The following MACROD2 variants were observed in gnomAD, a reference collection of about 807,000 sequenced individuals.
MACROD2 encodes ADP-ribose glycohydrolase MACROD2.
In MACROD2, 36 loss-of-function variants were observed where a neutral mutation model predicts 70.4. The observed-to-expected ratio is 0.51, with a 90% CI of 0.39 to 0.68. The LOEUF is 0.68. Ranked by LOEUF, MACROD2 falls within the 30% of genes least tolerant of loss-of-function variation. The pLI is 0.00. For missense variants in MACROD2, 496 were observed against 538.4 expected, an observed-to-expected ratio of 0.92 and a Z score of 0.78; for synonymous variants, 172 against 178.8, an observed-to-expected ratio of 0.96 and a Z score of 0.30.
rs181138843 is a variant in MACROD2, at chr20:16,027,545, T to C, written c.1154-13656T>C. On this transcript the variant is annotated intron_variant, in intron 15 of 17. Coordinates refer to ENST00000684519, the MANE Select transcript of MACROD2 (RefSeq NM_001351661.2). ...GCTTCTTCTGTGGGCCTTAAGTGTATGATGAAGTTTCAAAGAATTCAGCCT... is the reference window on the plus strand; with the variant it reads ...GCTTCTTCTGTGGGCCTTAAGTGTACGATGAAGTTTCAAAGAATTCAGCCT... Among the ~76,000 whole-genome samples the C allele has an allele frequency of 2.0e-5, 3 of 152,326 alleles. No individual in the cohort carries two copies. In the East Asian group the frequency reaches 5.8e-4, roughly 29 times the overall value.
At chr20:15,477,218 A>G (rs1407739727) in intron 7 of MACROD2, among the ~76,000 whole-genome samples, 2 of 149,288 alleles carry the variant, frequency 1.3e-5, no homozygotes, top group East Asian at 4.0e-4. Context: ...CTCCTGCCTC[A>G]GCCTCCCAAG....
intron 5 of MACROD2, among the ~76,000 whole-genome samples, chr20:14,948,204 C>G (rs1389321584): frequency 6.6e-6 from 1 of 152,132 alleles, no homozygotes; most frequent in African/African-American, 2.4e-5. Flanking sequence ...AATCCTCTTC[C>G]CTGGATTTTG....
At chr20:14,855,597 G>GTTTTTTTTTTTT (rs71190156) in intron 5 of MACROD2, among the ~76,000 whole-genome samples, 1 of 77,242 alleles carries the variant, frequency 1.3e-5, no homozygotes, top group Non-Finnish European at 2.3e-5. Context: ...ATCCTACCAA[G>GTTTTTTTTTTTT]TTTTTTTTTT....
intron 5 of MACROD2, among the ~76,000 whole-genome samples, chr20:14,985,022 CT>C (rs1422554026): frequency 6.6e-6 from 1 of 152,180 alleles, no homozygotes; most frequent in East Asian, 1.9e-4. Flanking sequence ...ACCTTACGTA[CT>C]TCACACGGCC....
At chr20:14,316,362 G>A (rs1203255666) in intron 3 of MACROD2, among the ~76,000 whole-genome samples, 1 of 152,166 alleles carries the variant, frequency 6.6e-6, no homozygotes, top group Non-Finnish European at 1.5e-5. Context: ...TCCTGAAAAT[G>A]CTTTCTAGTT....
At chr20:15,477,541 G>C (rs1350230553) in intron 7 of MACROD2, among the ~76,000 whole-genome samples, 4 of 152,042 alleles carry the variant, frequency 2.6e-5, no homozygotes, top group African/African-American at 9.7e-5. Flanking sequence ...ACATCTGAGA[G>C]GCAATCCCTC....
chr20:16,016,878 C>A (rs1357197396), intron 15 of MACROD2, among the ~76,000 whole-genome samples: 1 of 152,150 alleles, frequency 6.6e-6, no homozygotes, highest in Non-Finnish European at 1.5e-5. Context: ...TTTGACTATT[C>A]CCTTTATCCC....
At chr20:15,008,139 T>C (rs1024067008) in intron 5 of MACROD2, among the ~76,000 whole-genome samples, 5 of 152,196 alleles carry the variant, frequency 3.3e-5, no homozygotes, top group African/African-American at 1.2e-4. Context: ...ACTTTTGATA[T>C]GTAGCCTATT....
At chr20:15,900,599 T>C (rs547763511) in intron 10 of MACROD2, among the ~76,000 whole-genome samples, 5 of 152,200 alleles carry the variant, frequency 3.3e-5, no homozygotes, top group East Asian at 1.9e-4. Context: ...GCATTTTCCA[T>C]TGTGAGAAGG....
intron 3 of MACROD2, among the ~76,000 whole-genome samples, chr20:14,396,891 C>T (rs1407137088): frequency 3.7e-5 from 5 of 134,842 alleles, no homozygotes; most frequent in African/African-American, 1.4e-4. Context: ...CACCACTGCA[C>T]TCCAGCCTGG....
At position 15,404,427 on chromosome 20, in the gene MACROD2, T is replaced by G. The variant is rs530889158; in HGVS notation, c.541-26978T>G. ...TAGTAAACCAACCAATGTTAAATGT[T>G]TAAGAAACTGTACCAGGGAAGAGGA... On this transcript the variant is annotated intron_variant, in intron 6 of 17. Coordinates refer to ENST00000684519, the MANE Select transcript of MACROD2 (RefSeq NM_001351661.2). 2.6e-5 allele frequency among the ~76,000 whole-genome samples: 4 copies of G among 152,326 alleles called. No individual in the cohort carries two copies. The South Asian group carries it at 8.3e-4, about 32-fold the overall frequency.
At chr20:15,789,603 A>G (rs2063606728) in intron 8 of MACROD2, among the ~76,000 whole-genome samples, 1 of 151,796 alleles carries the variant, frequency 6.6e-6, no homozygotes, top group Non-Finnish European at 1.5e-5. Context: ...GGAAATAGAA[A>G]AGCTTAAAAA....
At chr20:15,326,079 C>A (rs2077925762) in intron 6 of MACROD2, among the ~76,000 whole-genome samples, 1 of 152,140 alleles carries the variant, frequency 6.6e-6, no homozygotes, top group Non-Finnish European at 1.5e-5. Context: ...ATGAGGTAGG[C>A]AATCAGGACT....
chr20:15,711,282 G>C (rs2050622659), intron 8 of MACROD2, among the ~76,000 whole-genome samples: 1 of 152,170 alleles, frequency 6.6e-6, no homozygotes, highest in South Asian at 2.1e-4. Context: ...TACAGGGAGG[G>C]GAGGGAATGC....
chr20:14,737,310 T>A (rs906698785), intron 5 of MACROD2, among the ~76,000 whole-genome samples: 2 of 152,204 alleles, frequency 1.3e-5, no homozygotes, highest in African/African-American at 4.8e-5. Flanking sequence ...TGCAGAGTAT[T>A]CCATGGTGTA....
chr20:14,367,570 C>G (rs143939768), intron 3 of MACROD2, among the ~76,000 whole-genome samples: 53 of 152,268 alleles, frequency 3.5e-4, no homozygotes, highest in Admixed American at 9.8e-4. Context: ...GTTGACAGTT[C>G]TTTGCAGTAC....
At chr20:14,534,308 T>C (rs1174701017) in intron 4 of MACROD2, among the ~76,000 whole-genome samples, 1 of 152,190 alleles carries the variant, frequency 6.6e-6, no homozygotes, top group Non-Finnish European at 1.5e-5. Flanking sequence ...CTGGGTCTTG[T>C]TGTATTTGGA....
intron 6 of MACROD2, among the ~76,000 whole-genome samples, chr20:15,280,161 G>A (rs1397700737): frequency 6.6e-6 from 1 of 152,136 alleles, no homozygotes; most frequent in African/African-American, 2.4e-5. Context: ...ATAACAAGGA[G>A]TTTAACAATG....
At chr20:14,233,475 G>A (rs545223176) in intron 3 of MACROD2, among the ~76,000 whole-genome samples, 5 of 151,842 alleles carry the variant, frequency 3.3e-5, no homozygotes, top group South Asian at 2.1e-4. Context: ...GGAGGATCAC[G>A]AGGTCAGGAG....
Sources: gnomAD v4.1 joint callset for allele counts (sites outside exome capture counted in the v4.1 genomes callset) on GRCh38, gnomAD v4.1.1 for gene constraint, MANE v1.5 for transcripts, NCBI Gene and HGNC (gene_info 2026-07-23, HGNC 2026-07-21) for gene names.